The following FAM53A variants were observed in gnomAD, a reference collection of about 807,000 sequenced individuals.
FAM53A encodes the protein family with sequence similarity 53 member A.
A neutral mutation model predicts 26.6 loss-of-function variants in FAM53A; 28 were observed. The observed-to-expected ratio is 1.05, with a 90% CI of 0.78 to 1.45. The LOEUF is 1.45. Among genes scored for constraint, FAM53A ranks in the 40% most tolerant of loss-of-function variants. The pLI is 0.00. For missense variants in FAM53A, 650 were observed against 575.8 expected (o/e 1.13, Z -1.32); for synonymous variants, 290 against 253.1 (o/e 1.15, Z -1.38).
chr4:1,606,246 C>T, the FAM53A span, among the ~76,000 whole-genome samples: 12 of 151,616 alleles, frequency 7.9e-5, no homozygotes, highest in Non-Finnish European at 1.6e-4. Flanking sequence ...AGGGTTTCAC[C>T]GTGTTAGCCA....
rs770438437 is a variant in FAM53A, at chr4:1,655,045, C to A, written c.815G>T (p.Arg272Leu). The A allele has an allele frequency of 7.6e-5, 121 of 1,585,824 alleles. No individual in the cohort carries two copies. Among genetic ancestry groups the A allele is most frequent in the Non-Finnish European group, 1.0e-4 (118 of 1,165,518 alleles). ...PCVLSGKRSRRKRRREEDARW... is the reference protein window; with the variant it reads ...PCVLSGKRSRLKRRREEDARW... ...GGCGTCCTCCTCACGCCTCCGTTTGCGCCGGCTCCTCTTCCCACTGAGCAC... is the reference window on the plus strand; with the variant it reads ...GGCGTCCTCCTCACGCCTCCGTTTGAGCCGGCTCCTCTTCCCACTGAGCAC... The change falls in exon 4 of 5, where the codon CGC becomes CTC. Residue 272 changes from arginine to leucine, a missense_variant. Physicochemically the swap from Arg to Leu is moderately radical, Grantham distance 102. Transcript: ENST00000308132.
chr4:1,587,532 C>T, the FAM53A span, among the ~76,000 whole-genome samples: 1 of 152,048 alleles, frequency 6.6e-6, no homozygotes, highest in Non-Finnish European at 1.5e-5. Flanking sequence ...ATTAGCTAGG[C>T]GTGGTGGTGC....
chr4:1,668,565 C>G, intron 2 of FAM53A, 102 bp downstream of exon 2: 1 of 1,338,460 alleles, frequency 7.5e-7, no homozygotes. Flanking sequence ...GCCCCCCAGG[C>G]CCCTGAGAAC....
chr4:1,651,548 G>C (rs1246931408), intron 4 of FAM53A, among the ~76,000 whole-genome samples: 4 of 143,388 alleles, frequency 2.8e-5, no homozygotes, highest in South Asian at 2.2e-4. Flanking sequence ...AAAAAAAAAA[G>C]ATGGAGATTA....
At chr4:1,646,493 C>A (rs1381559704) in intron 4 of FAM53A, among the ~76,000 whole-genome samples, 1 of 152,196 alleles carries the variant, frequency 6.6e-6, no homozygotes, top group Non-Finnish European at 1.5e-5. Context: ...CAGTCCTTTT[C>A]TTGGTACCAG....
At chr4:1,644,041 TG>T in intron 4 of FAM53A, 1 of 1,063,958 alleles carries the variant, frequency 9.4e-7, no homozygotes, top group Non-Finnish European at 1.3e-6. Flanking sequence ...CTGGATGGCG[TG>T]GAGGTCCGGG....
chr4:1,596,666 C>T, the FAM53A span, among the ~76,000 whole-genome samples: 1 of 152,196 alleles, frequency 6.6e-6, no homozygotes, highest in Admixed American at 6.5e-5. Flanking sequence ...GTCCGCCCGC[C>T]GCGGGCTGCT....
rs1202220997 is a variant in FAM53A at position 1,668,856 on chromosome 4, T to C, written c.-115A>G. The C allele has an allele frequency of 4.2e-6, 4 of 941,928 alleles. No individual in the cohort carries two copies. The highest frequency in any genetic ancestry group is 6.6e-6 in the Non-Finnish European group (4 of 602,284). 58.3% of individuals were successfully genotyped at this position (941,928 alleles called of 1,614,324 possible). On this transcript the variant is annotated 5_prime_UTR_variant, in exon 2 of 5. Coordinates refer to ENST00000308132, the MANE Select transcript of FAM53A (RefSeq NM_001174070.3). Reference sequence around the variant, plus strand: ...CCAAATCTCAAGGTCATGTCTCCACTTTCTTTACAGATGAGCAGTCCACGC... The same window carrying C: ...CCAAATCTCAAGGTCATGTCTCCACCTTCTTTACAGATGAGCAGTCCACGC...
chr4:1,578,826 G>A, the FAM53A span, among the ~76,000 whole-genome samples: 445 of 46,212 alleles, frequency 9.6e-3, 9 homozygotes, highest in East Asian at 0.046. Context: ...GAGAAGAGGG[G>A]GAGGGGAGAG....
At chr4:1,620,963 A>G (rs1442198011) in intron 1 of FAM53A, among the ~76,000 whole-genome samples, 10 of 152,064 alleles carry the variant, frequency 6.6e-5, no homozygotes, top group Admixed American at 6.6e-4. Flanking sequence ...ACCTCCTCGC[A>G]TGTGGCTTCC....
At chr4:1,597,601 G>A in the FAM53A span, among the ~76,000 whole-genome samples, 3 of 152,186 alleles carry the variant, frequency 2.0e-5, no homozygotes, top group Non-Finnish European at 2.9e-5. Context: ...TTCCTGAGAG[G>A]GGAAGTCAAA....
At chr4:1,591,343 C>A in the FAM53A span, among the ~76,000 whole-genome samples, 1 of 152,114 alleles carries the variant, frequency 6.6e-6, no homozygotes, top group African/African-American at 2.4e-5. Context: ...GCAGGCTGGC[C>A]CCCCTCTGGA....
At chr4:1,682,647 C>A (rs1045989335) in intron 1 of FAM53A, among the ~76,000 whole-genome samples, 1 of 152,104 alleles carries the variant, frequency 6.6e-6, no homozygotes, top group African/African-American at 2.4e-5. Flanking sequence ...TATCTACCAG[C>A]TAAAAATGTG....
At chr4:1,606,623 G>C in the FAM53A span, among the ~76,000 whole-genome samples, 1 of 152,224 alleles carries the variant, frequency 6.6e-6, no homozygotes, top group Non-Finnish European at 1.5e-5. Context: ...CGGGTCCTCT[G>C]ACGATGGCTC....
At chr4:1,674,870 T>C (rs1714929036) in intron 1 of FAM53A, among the ~76,000 whole-genome samples, 1 of 151,996 alleles carries the variant, frequency 6.6e-6, no homozygotes, top group Non-Finnish European at 1.5e-5. Flanking sequence ...GGACAGCAAG[T>C]CCCTCCCCCT....
chr4:1,630,698 A>T lies in FAM53A; in HGVS notation c.432-12587T>A, dbSNP rs1715576462. ...GCCCGCACAGCATGATCCCACGTCT[A>T]CGAAATGCCCAGCTCCACAGAGACA... is the stretch of plus-strand genomic sequence containing the variant. On this transcript the variant is annotated intron_variant, in intron 1 of 1. Coordinates refer to the FAM53A transcript ENST00000489029. The surrounding 1 kb of genome is among the most constrained non-coding windows in gnomAD (Gnocchi z 4.3). Among the ~76,000 whole-genome samples the T allele has an allele frequency of 6.6e-6, 1 of 152,048 alleles. No homozygotes were observed. Among genetic ancestry groups the T allele is most frequent in the Non-Finnish European group, 1.5e-5 (1 of 67,998 alleles).
At chr4:1,608,754 G>A in the FAM53A span, among the ~76,000 whole-genome samples, 55 of 152,298 alleles carry the variant, frequency 3.6e-4, no homozygotes, top group East Asian at 0.01. Flanking sequence ...CCTGCTCGCC[G>A]GAGGGAGAGC....
the FAM53A span, among the ~76,000 whole-genome samples, chr4:1,599,408 C>T: frequency 6.6e-6 from 1 of 152,192 alleles, no homozygotes; most frequent in African/African-American, 2.4e-5. This position sits in a 1 kb window ranked among gnomAD's most constrained non-coding sequence, Gnocchi z 6.1. Flanking sequence ...ACCTGAGGGA[C>T]ATCTCGAGTG....
chr4:1,612,334 A>C, the FAM53A span, among the ~76,000 whole-genome samples: 1 of 152,212 alleles, frequency 6.6e-6, no homozygotes, highest in Admixed American at 6.5e-5. Flanking sequence ...AGGTCGTGCA[A>C]GACCTCTCAC....
Sources: allele counts gnomAD v4.1 joint callset (sites outside exome capture counted in the v4.1 genomes callset), GRCh38; gene constraint gnomAD v4.1.1; non-coding constraint Gnocchi (gnomAD v3.1); transcripts MANE v1.5; gene names NCBI Gene and HGNC (gene_info 2026-07-23, HGNC 2026-07-21).